The following CMIP variants were observed in gnomAD, a reference collection of about 807,000 sequenced individuals.
The protein encoded by CMIP is c-Maf inducing protein.
Under a neutral mutation model 97.3 loss-of-function variants are expected in CMIP, and 13 were observed. That is an observed-to-expected ratio of 0.13 (90% CI 0.09 to 0.21). The LOEUF (loss-of-function observed/expected upper bound fraction) is 0.21. Ranked by LOEUF, CMIP falls within the 10% of genes least tolerant of loss-of-function variation. CMIP has a pLI of 1.00. For synonymous variants in CMIP, 538 were observed against 436.3 expected, an observed-to-expected ratio of 1.23 and a Z score of -2.91; for missense variants, 847 against 1,024.9, an observed-to-expected ratio of 0.83 and a Z score of 2.37.
At chr16:81,544,427 AGTGT>A (rs149240354) in intron 1 of CMIP, among the ~76,000 whole-genome samples, 1 of 150,890 alleles carries the variant, frequency 6.6e-6, no homozygotes, top group Non-Finnish European at 1.5e-5. Flanking sequence ...TCAGGGGGTA[AGTGT>A]GTGTGTGTGT....
At position 81,614,825 on chromosome 16, in the gene CMIP, A is replaced by C. The variant is rs4889354; in HGVS notation, c.427-6051A>C. Among the ~76,000 whole-genome samples, 99,722 of 151,076 alleles carry C rather than the reference A, an allele frequency of 0.66. 33,231 individuals carry two copies. The highest frequency in any genetic ancestry group is 0.88 in the East Asian group (4,540 of 5,130). On this transcript the variant is annotated intron_variant, in intron 2 of 20. Transcript: ENST00000537098. The surrounding 1 kb of genome is among the most constrained non-coding windows in gnomAD (Gnocchi z 5.3). ...ATGTGTGTTTATATGTGGTATGTAT[A>C]TGTGTATACGGTGTGTATGCACATG...
intron 1 of CMIP, among the ~76,000 whole-genome samples, chr16:81,532,536 G>A (rs1441524476): frequency 6.6e-6 from 1 of 152,146 alleles, no homozygotes; most frequent in African/African-American, 2.4e-5. Context: ...TAGCGCTGTT[G>A]CCCTCGCTCA....
intron 1 of CMIP, among the ~76,000 whole-genome samples, chr16:81,545,787 G>T (rs61591666): frequency 1.3e-5 from 2 of 152,176 alleles, no homozygotes; most frequent in South Asian, 2.1e-4. Flanking sequence ...CCTTCCTGCC[G>T]GCCCTCCCGT....
chr16:81,474,263 A>G (rs900397016), intron 1 of CMIP, among the ~76,000 whole-genome samples: 3 of 151,956 alleles, frequency 2.0e-5, no homozygotes, highest in Non-Finnish European at 4.4e-5. Context: ...CTGCTCCTTA[A>G]GTTGAGTTGT....
chr16:81,542,033 C>T lies in CMIP; in HGVS notation c.301-65534C>T, dbSNP rs149435019. On this transcript the variant is annotated intron_variant, in intron 1 of 20. Coordinates refer to ENST00000537098, the MANE Select transcript of CMIP (RefSeq NM_198390.3). ...CTTATTCTGTTCAGCTGCCACATCA[C>T]ATTCCATAAAATGGTCGTGCCCCAC... Among the ~76,000 whole-genome samples, 452 of 152,342 alleles carry T rather than the reference C, an allele frequency of 3.0e-3. 1 individual carries two copies. The highest frequency in any genetic ancestry group is 4.4e-3 in the Non-Finnish European group (299 of 68,040).
chr16:81,446,990 C>T (rs1320797755), intron 1 of CMIP, among the ~76,000 whole-genome samples: 1 of 152,186 alleles, frequency 6.6e-6, no homozygotes, highest in African/African-American at 2.4e-5. Flanking sequence ...GGGAGGATTG[C>T]TGGTCGCGGG....
At chr16:81,701,127 A>AG (rs1907352127) in intron 15 of CMIP, among the ~76,000 whole-genome samples, 1 of 151,942 alleles carries the variant, frequency 6.6e-6, no homozygotes, top group African/African-American at 2.4e-5. Flanking sequence ...TCAAAAAAAA[A>AG]AAAAATCGTC....
chr16:81,572,071 TG>T, intron 1 of CMIP, among the ~76,000 whole-genome samples: 1 of 152,208 alleles, frequency 6.6e-6, no homozygotes, highest in South Asian at 2.1e-4. Context: ...GTGACTTTGA[TG>T]TCGTGTTCTG....
intron 18 of CMIP, among the ~76,000 whole-genome samples, chr16:81,704,663 C>T (rs1332997922): frequency 1.4e-5 from 1 of 72,462 alleles, no homozygotes; most frequent in East Asian, 3.6e-4. Flanking sequence ...ACTCGTTCAC[C>T]CTCCTCCCTA....
chr16:81,592,476 C>T (rs957082732), intron 1 of CMIP, among the ~76,000 whole-genome samples: 2 of 152,200 alleles, frequency 1.3e-5, no homozygotes, highest in Admixed American at 6.5e-5. Flanking sequence ...GGGTGCCCCT[C>T]CCTCCTGTCC....
chr16:81,585,191 A>C (rs530688451), intron 1 of CMIP, among the ~76,000 whole-genome samples: 65 of 152,048 alleles, frequency 4.3e-4, no homozygotes, highest in Non-Finnish European at 7.5e-4. Flanking sequence ...GAAATACAAA[A>C]ATTAGCCAGG....
chr16:81,575,801 T>G (rs930222413), intron 1 of CMIP, among the ~76,000 whole-genome samples: 4 of 152,138 alleles, frequency 2.6e-5, no homozygotes. Context: ...TGATGATGTG[T>G]GTGAGTAGGG....
At chr16:81,696,313 G>C in intron 13 of CMIP, 1 of 574,276 alleles carries the variant, frequency 1.7e-6, no homozygotes, top group South Asian at 2.0e-5. Flanking sequence ...GCCGGGGCCT[G>C]CCCTCCCTCC....
intron 3 of CMIP, among the ~76,000 whole-genome samples, chr16:81,626,840 T>G: frequency 7.3e-6 from 1 of 136,128 alleles, no homozygotes; most frequent in Admixed American, 7.4e-5. Context: ...GGTGACTATT[T>G]TATGAGTGTG....
chr16:81,692,214 G>A (rs890141618), intron 11 of CMIP, among the ~76,000 whole-genome samples: 6 of 152,192 alleles, frequency 3.9e-5, no homozygotes, highest in African/African-American at 1.4e-4. Flanking sequence ...TTCCGAGGGC[G>A]ATAGTAAGAA....
chr16:81,563,382 C>T (rs1000068504), intron 1 of CMIP, among the ~76,000 whole-genome samples: 1 of 152,194 alleles, frequency 6.6e-6, no homozygotes, highest in Non-Finnish European at 1.5e-5. Context: ...AAACTCTGCG[C>T]GCTGCTGCGG....
intron 1 of CMIP, among the ~76,000 whole-genome samples, chr16:81,585,468 G>A (rs916723560): frequency 1.3e-5 from 2 of 152,158 alleles, no homozygotes; most frequent in African/African-American, 4.8e-5. Flanking sequence ...CCCATCAGCA[G>A]TCAGCCCTGC....
chr16:81,450,581 C>T (rs1247884088), intron 1 of CMIP, among the ~76,000 whole-genome samples: 1 of 152,122 alleles, frequency 6.6e-6, no homozygotes, highest in East Asian at 1.9e-4. Context: ...TGACTTTCTG[C>T]ACAAATGGAA....
intron 1 of CMIP, among the ~76,000 whole-genome samples, chr16:81,501,151 G>A (rs373873396): frequency 6.6e-6 from 1 of 152,244 alleles, no homozygotes; most frequent in Non-Finnish European, 1.5e-5. Context: ...CCTGGAGAAC[G>A]CAGTAATTTG....
Sources: gnomAD v4.1 joint callset for allele counts (sites outside exome capture counted in the v4.1 genomes callset) on GRCh38, gnomAD v4.1.1 for gene constraint, Gnocchi (gnomAD v3.1) non-coding constraint, MANE v1.5 for transcripts, NCBI Gene and HGNC (gene_info 2026-07-23, HGNC 2026-07-21) for gene names.